Variants in PHACTR1 observed in about 807,000 individuals in gnomAD.
The protein encoded by PHACTR1 is phosphatase and actin regulator 1, also known as RPEL repeat containing 1.
PHACTR1 carries 16 observed loss-of-function variants against 69.2 expected under a neutral mutation model. That is an observed-to-expected ratio of 0.23 (90% confidence interval 0.16 to 0.35). PHACTR1 has a LOEUF of 0.35. Ranked by LOEUF, PHACTR1 falls within the 10% of genes least tolerant of loss-of-function variation. PHACTR1 has a pLI of 1.00. For synonymous variants in PHACTR1, 312 were observed against 284.5 expected, an observed-to-expected ratio of 1.10 and a Z score of -0.97; for missense variants, 510 against 734.7, an observed-to-expected ratio of 0.69 and a Z score of 3.54.
At chr6:13,108,615 C>T (rs968602240) in intron 5 of PHACTR1, among the ~76,000 whole-genome samples, 4 of 151,918 alleles carry the variant, frequency 2.6e-5, no homozygotes, top group African/African-American at 9.7e-5. Context: ...TTATTTATAT[C>T]TGGCACTATT....
intron 5 of PHACTR1, among the ~76,000 whole-genome samples, chr6:13,093,192 A>G (rs1016518659): frequency 6.6e-6 from 1 of 152,244 alleles, no homozygotes; most frequent in African/African-American, 2.4e-5. Context: ...ATTAGGTTTT[A>G]TGAACTATAG....
chr6:12,867,929 A>T (rs1333356049), intron 4 of PHACTR1, among the ~76,000 whole-genome samples: 1 of 152,158 alleles, frequency 6.6e-6, no homozygotes, highest in East Asian at 1.9e-4. Flanking sequence ...CCACAGTTCC[A>T]CACCAATCCA....
At position 13,088,055 on chromosome 6, in the gene PHACTR1, C is replaced by A. The variant is rs549605160; in HGVS notation, c.415+34526C>A. Among the ~76,000 whole-genome samples the A allele has an allele frequency of 2.6e-5, 4 of 152,146 alleles. No individual in the cohort carries two copies. The East Asian group carries it at 7.7e-4, about 29-fold the overall frequency. Reference sequence around the variant, plus strand: ...ATGACAGGTAAGAGAGAAGAGTGTTCATCCTTACCCCCTCTATTTAACATA... The same window carrying A: ...ATGACAGGTAAGAGAGAAGAGTGTTAATCCTTACCCCCTCTATTTAACATA... On this transcript the variant is annotated intron_variant, in intron 5 of 14. Coordinates refer to ENST00000332995, the MANE Select transcript of PHACTR1 (RefSeq NM_030948.6).
chr6:13,102,793 T>C (rs1188435254), intron 5 of PHACTR1, among the ~76,000 whole-genome samples: 3 of 152,324 alleles, frequency 2.0e-5, no homozygotes, highest in African/African-American at 7.2e-5. Flanking sequence ...GTGATAGCAG[T>C]GTGTGCTATT....
intron 4 of PHACTR1, among the ~76,000 whole-genome samples, chr6:12,966,060 C>A (rs1793448566): frequency 6.6e-6 from 1 of 152,056 alleles, no homozygotes; most frequent in Non-Finnish European, 1.5e-5. Flanking sequence ...AGGCTTTGAC[C>A]ACTGACTGCA....
chr6:13,174,812 C>T (rs1334783833), intron 6 of PHACTR1, among the ~76,000 whole-genome samples: 1 of 152,044 alleles, frequency 6.6e-6, no homozygotes, highest in Non-Finnish European at 1.5e-5. Flanking sequence ...ATTTAACTTT[C>T]TAATGTTCAC....
chr6:13,064,564 A>C (rs1808228291), intron 5 of PHACTR1, among the ~76,000 whole-genome samples: 2 of 7,386 alleles, frequency 2.7e-4, no homozygotes, highest in South Asian at 0.011. Context: ...ATATATATAT[A>C]TATATATATA....
At chr6:13,040,589 C>T (rs1490426653) in intron 4 of PHACTR1, among the ~76,000 whole-genome samples, 1 of 152,108 alleles carries the variant, frequency 6.6e-6, no homozygotes, top group Non-Finnish European at 1.5e-5. Flanking sequence ...ATTGGATAGT[C>T]ATTAGCTGCT....
chr6:13,170,284 T>G (rs1454623735), intron 6 of PHACTR1, among the ~76,000 whole-genome samples: 1 of 152,184 alleles, frequency 6.6e-6, no homozygotes, highest in Non-Finnish European at 1.5e-5. Flanking sequence ...TTTCCATAAA[T>G]TTAAGTATTG....
chr6:12,768,779 C>A (rs969923035), intron 4 of PHACTR1, among the ~76,000 whole-genome samples: 3 of 148,404 alleles, frequency 2.0e-5, no homozygotes, highest in African/African-American at 7.4e-5. Context: ...GGCCCATCTA[C>A]AGATGAATGG....
intron 6 of PHACTR1, among the ~76,000 whole-genome samples, chr6:13,161,388 C>T (rs1196079643): frequency 6.6e-6 from 1 of 152,116 alleles, no homozygotes; most frequent in Non-Finnish European, 1.5e-5. Flanking sequence ...CTCTGAGGAC[C>T]ACACTCCCTC....
chr6:12,743,992 A>G (rs1429941862), intron 3 of PHACTR1, among the ~76,000 whole-genome samples: 1 of 152,218 alleles, frequency 6.6e-6, no homozygotes, highest in African/African-American at 2.4e-5. Flanking sequence ...AGAACTCAGG[A>G]TTAAGAAACT....
chr6:12,721,452 T>C (rs996249471), intron 3 of PHACTR1, among the ~76,000 whole-genome samples: 2 of 151,730 alleles, frequency 1.3e-5, no homozygotes, highest in Non-Finnish European at 2.9e-5. Context: ...AGTTAAAAAG[T>C]TAAACCTATT....
At chr6:12,964,803 C>T (rs1793223584) in intron 4 of PHACTR1, among the ~76,000 whole-genome samples, 1 of 152,098 alleles carries the variant, frequency 6.6e-6, no homozygotes, top group South Asian at 2.1e-4. Context: ...CTAGCAGTTA[C>T]TTCTTAGATT....
chr6:13,050,568 C>G lies in PHACTR1; in HGVS notation c.251-2797C>G, dbSNP rs1022022112. On this transcript the variant is annotated intron_variant, in intron 4 of 14. Transcript: ENST00000332995. ...TCAGCATTTTTTCTACATCTTCGATCTCTCACTTTCCCCTGGCTCTGGCAG... is the reference window on the plus strand; with the variant it reads ...TCAGCATTTTTTCTACATCTTCGATGTCTCACTTTCCCCTGGCTCTGGCAG... 3.3e-5 allele frequency among the ~76,000 whole-genome samples: 5 copies of G among 152,170 alleles called. No homozygotes were observed. In the South Asian group the frequency reaches 1.0e-3, roughly 32 times the overall value.
chr6:13,187,545 C>T (rs891617006), intron 7 of PHACTR1, among the ~76,000 whole-genome samples: 10 of 152,166 alleles, frequency 6.6e-5, no homozygotes, highest in East Asian at 3.9e-4. Context: ...GATTTTAATC[C>T]CTAGGCAGTG....
At chr6:13,092,599 A>G (rs1318708871) in intron 5 of PHACTR1, among the ~76,000 whole-genome samples, 1 of 152,200 alleles carries the variant, frequency 6.6e-6, no homozygotes, top group Admixed American at 6.5e-5. Flanking sequence ...TGCAATATAT[A>G]ATGAAATAAT....
intron 4 of PHACTR1, among the ~76,000 whole-genome samples, chr6:12,924,731 C>T (rs1026721061): frequency 3.3e-5 from 5 of 150,082 alleles, no homozygotes; most frequent in Admixed American, 1.3e-4. Flanking sequence ...GCCGAGATCA[C>T]ACCACTGCAC....
intron 5 of PHACTR1, among the ~76,000 whole-genome samples, chr6:13,144,772 GAAA>G (rs11326657): frequency 5.4e-5 from 1 of 18,610 alleles, no homozygotes; most frequent in African/African-American, 9.4e-5. Context: ...CCCTGTCTCA[GAAA>G]AAAAAAAAAA....
Sources: allele counts gnomAD v4.1 joint callset (sites outside exome capture counted in the v4.1 genomes callset), GRCh38; gene constraint gnomAD v4.1.1; transcripts MANE v1.5; gene names NCBI Gene and HGNC (gene_info 2026-07-23, HGNC 2026-07-21).